Variants in RXRA observed in about 807,000 individuals in gnomAD.
RXRA encodes the protein retinoid X receptor alpha, also known as retinoic acid receptor RXR-alpha.
Under a neutral mutation model 44.5 loss-of-function variants are expected in RXRA, and 5 were observed. That is an observed-to-expected ratio of 0.11 (90% CI 0.06 to 0.24). The LOEUF is 0.24. RXRA is among the 10% of genes least tolerant of loss of function. The pLI, the probability that RXRA is intolerant of heterozygous loss-of-function variation, is 1.00. For synonymous variants in RXRA, 291 were observed against 271.4 expected (o/e 1.07, Z -0.71); for missense variants, 412 against 646.5 (o/e 0.64, Z 3.93).
At chr9:134,355,367 C>T (rs1453855178) in intron 1 of RXRA, among the ~76,000 whole-genome samples, 1 of 152,246 alleles carries the variant, frequency 6.6e-6, no homozygotes, top group Non-Finnish European at 1.5e-5. Flanking sequence ...GACAGATCCC[C>T]CGACTCCTTC....
chr9:134,341,937 C>T (rs1252981709), intron 1 of RXRA, among the ~76,000 whole-genome samples: 2 of 152,144 alleles, frequency 1.3e-5, no homozygotes, highest in African/African-American at 4.8e-5. Context: ...AGGCTCTGCC[C>T]ACTACTGGCC....
chr9:134,326,659 G>C lies in RXRA; in HGVS notation c.28G>C (p.Asp10His), dbSNP rs1834915204. 10 of 960,382 alleles carry C rather than the reference G, an allele frequency of 1.0e-5. No homozygotes were observed. The highest frequency in any genetic ancestry group is 1.2e-5 in the Non-Finnish European group (10 of 810,972). The allele number at this position is 960,382 out of a possible 1,614,324, so 59.5% of individuals were successfully genotyped here. ...GGACACCAAACATTTCCTGCCGCTC[G>C]GTGAGTGCTCGCCGGGCCGGGCGGG... is the stretch of plus-strand genomic sequence containing the variant. MDTKHFLPLDFSTQVNSSLT... is the reference protein window; with the variant it reads MDTKHFLPLHFSTQVNSSLT... Residue 10 changes from aspartate (D) to histidine (H), a missense_variant and splice_region_variant, in exon 1 of 10, where the codon GAT (aspartate) becomes CAT (histidine). By Grantham distance (81) the Asp-to-His change is moderately conservative. This residue lies in a region of RXRA where 156 missense variants were observed against 177.2 expected (regional missense o/e 0.88). Coordinates refer to ENST00000481739, the MANE Select transcript of RXRA (RefSeq NM_002957.6).
chr9:134,371,535 C>G (rs114914719), intron 1 of RXRA, among the ~76,000 whole-genome samples: 1,706 of 152,362 alleles, frequency 0.011, 28 homozygotes, highest in African/African-American at 0.039. Context: ...ATAACATGAT[C>G]TCCCCTAGGC....
intron 1 of RXRA, among the ~76,000 whole-genome samples, chr9:134,352,144 C>T (rs1830229365): frequency 6.6e-6 from 1 of 152,036 alleles, no homozygotes; most frequent in South Asian, 2.1e-4. Flanking sequence ...GGGTTCTGGG[C>T]ATGGGATGAG....
At chr9:134,422,693 C>T (rs1831368401) in intron 6 of RXRA, 5 of 985,414 alleles carry the variant, frequency 5.1e-6, no homozygotes, top group East Asian at 1.1e-4. Context: ...CTCCCCCGTC[C>T]TGGGACCTCC....
chr9:134,424,481 C>T (rs968929217), intron 6 of RXRA: 85 of 985,332 alleles, frequency 8.6e-5, no homozygotes, highest in Middle Eastern at 5.2e-4. Flanking sequence ...CTTCGAGGGC[C>T]GCATGGTGAG....
intron 7 of RXRA, 91 bp from the exon 8 acceptor site, chr9:134,431,813 CG>C: frequency 1.0e-6 from 1 of 990,606 alleles, no homozygotes; most frequent in Non-Finnish European, 1.5e-6. Flanking sequence ...CGGGCCACGC[CG>C]GGCTCTCCAG....
chr9:134,338,084 C>T (rs1228746558), intron 1 of RXRA, among the ~76,000 whole-genome samples: 3 of 152,166 alleles, frequency 2.0e-5, no homozygotes, highest in African/African-American at 4.8e-5. Flanking sequence ...CCACAGACGA[C>T]GTAGGGCTCA....
intron 1 of RXRA, among the ~76,000 whole-genome samples, chr9:134,397,263 G>A (rs949523297): frequency 3.3e-5 from 5 of 152,144 alleles, no homozygotes; most frequent in Non-Finnish European, 4.4e-5. Flanking sequence ...TCACCGTCTC[G>A]CGGAGCAGCC....
intron 4 of RXRA, among the ~76,000 whole-genome samples, chr9:134,411,107 C>T (rs1018892726): frequency 5.8e-4 from 88 of 152,282 alleles, no homozygotes; most frequent in Non-Finnish European, 6.0e-4. Context: ...GAGCAGTGTC[C>T]GTGAAGTCTG....
chr9:134,371,476 T>C lies in RXRA; in HGVS notation c.29-30156T>C, dbSNP rs532206505. Among the ~76,000 whole-genome samples, 14 of 152,328 alleles carry C rather than the reference T, an allele frequency of 9.2e-5. No individual in the cohort carries two copies. The East Asian group carries it at 2.7e-3, about 29-fold the overall frequency. On this transcript the variant is annotated intron_variant, in intron 1 of 9. Coordinates refer to ENST00000481739, the MANE Select transcript of RXRA (RefSeq NM_002957.6). Reference sequence around the variant, plus strand: ...GCGAGAGCCAGCTGGGCTGAGCTTCTCCTCAAATGCTGATGGGGGCCAGAC... The same window carrying C: ...GCGAGAGCCAGCTGGGCTGAGCTTCCCCTCAAATGCTGATGGGGGCCAGAC...
intron 1 of RXRA, among the ~76,000 whole-genome samples, chr9:134,362,596 C>G (rs1232684099): frequency 6.6e-6 from 1 of 152,220 alleles, no homozygotes; most frequent in Non-Finnish European, 1.5e-5. Flanking sequence ...TGATGGTGTT[C>G]CAGGGAGCAG....
chr9:134,341,944 G>T (rs1459453939), intron 1 of RXRA, among the ~76,000 whole-genome samples: 2 of 152,166 alleles, frequency 1.3e-5, no homozygotes, highest in African/African-American at 4.8e-5. Context: ...GCCCACTACT[G>T]GCCTGGCCCC....
At position 134,417,556 on chromosome 9, in the gene RXRA, G is replaced by A. The variant is rs1167694409; in HGVS notation, c.780+229G>A. ...ATGCACGAGTAGCCCATGGGGCAGG[G>A]GCCAGGGGCCAGGGGCCCGGGGCCT... On this transcript the variant is annotated intron_variant, in intron 5 of 9. Transcript: ENST00000481739. This position sits in a 1 kb window ranked among gnomAD's most constrained non-coding sequence, Gnocchi z 6.1. 1.3e-5 allele frequency among the ~76,000 whole-genome samples: 2 copies of A among 150,234 alleles called. No homozygotes were observed. The highest frequency in any genetic ancestry group is 2.5e-5 in the African/African-American group (1 of 39,668).
At chr9:134,419,519 C>T (rs35445938) in intron 5 of RXRA, among the ~76,000 whole-genome samples, 2,069 of 152,310 alleles carry the variant, frequency 0.014, 41 homozygotes, top group African/African-American at 0.046. Flanking sequence ...TCCAGAACCG[C>T]TCACTGGGCC....
chr9:134,402,177 C>T (rs1271515818), intron 2 of RXRA: 1 of 474,374 alleles, frequency 2.1e-6, no homozygotes, highest in Admixed American at 4.0e-5. Flanking sequence ...GTTCCCATGA[C>T]TGGGGGACTC....
intron 2 of RXRA, 26 bp downstream of exon 2, chr9:134,401,908 AG>A: frequency 7.9e-7 from 1 of 1,271,218 alleles, no homozygotes; most frequent in Non-Finnish European, 1.1e-6. Flanking sequence ...GGGCAAGGGG[AG>A]GGGGTGGGGC....
chr9:134,371,706 G>A (rs571656019), intron 1 of RXRA, among the ~76,000 whole-genome samples: 4 of 152,300 alleles, frequency 2.6e-5, no homozygotes, highest in South Asian at 2.1e-4. Context: ...TGGGGGTGGC[G>A]TGCGCCCCCT....
intron 1 of RXRA, among the ~76,000 whole-genome samples, chr9:134,373,657 C>G (rs945339240): frequency 6.6e-6 from 1 of 152,098 alleles, no homozygotes; most frequent in Non-Finnish European, 1.5e-5. Context: ...GGGGAGGTGT[C>G]GGAGCCTACT....
Sources: gnomAD v4.1 joint callset for allele counts (sites outside exome capture counted in the v4.1 genomes callset) on GRCh38, gnomAD v4.1.1 for gene constraint, gnomAD v4.1.1 regional missense constraint, Gnocchi (gnomAD v3.1) non-coding constraint, MANE v1.5 for transcripts, NCBI Gene and HGNC (gene_info 2026-07-23, HGNC 2026-07-21) for gene names.